The following MAST4 variants were observed in gnomAD, a reference collection of about 807,000 sequenced individuals.
MAST4 encodes microtubule associated serine/threonine kinase family member 4.
Under a neutral mutation model 162.7 loss-of-function variants are expected in MAST4, and 89 were observed. The ratio of observed to expected loss-of-function variants is 0.55; its 90% CI spans 0.46 to 0.65. MAST4 has a LOEUF of 0.65. Ranked by LOEUF, MAST4 falls within the 30% of genes least tolerant of loss-of-function variation. The pLI is 0.00. For synonymous variants in MAST4, 1,479 were observed against 1,361.1 expected, an observed-to-expected ratio of 1.09 and a Z score of -1.91; for missense variants, 3,153 against 3,374.0, an observed-to-expected ratio of 0.93 and a Z score of 1.62.
At chr5:66,683,107 C>G (rs894504276) in intron 1 of MAST4, among the ~76,000 whole-genome samples, 2 of 152,176 alleles carry the variant, frequency 1.3e-5, no homozygotes, top group Non-Finnish European at 2.9e-5. Context: ...GGTGTGCAGT[C>G]CCTTCTGATT....
At chr5:66,813,254 T>C (rs1439646440) in intron 3 of MAST4, among the ~76,000 whole-genome samples, 2 of 152,224 alleles carry the variant, frequency 1.3e-5, no homozygotes, top group Non-Finnish European at 2.9e-5. Flanking sequence ...TCACAAAATA[T>C]GTATCGCAAT....
In MAST4 at chr5:67,134,553, G is replaced by T. The variant is rs771990650; in HGVS notation, c.2257G>T (p.Glu753Ter). 1 of 1,613,640 alleles carries T rather than the reference G, an allele frequency of 6.2e-7. No homozygotes were observed. Among genetic ancestry groups the T allele is most frequent in the Non-Finnish European group, 8.5e-7 (1 of 1,179,676 alleles). The stretch of plus-strand genomic sequence containing the variant: ...TGGCACACCTGAATACATTGCACCA[G>T]AAGTGATTCTGAGGCAGGGTTATGG... Reference protein sequence around the residue: ...VCGTPEYIAPEVILRQGYGKP... With the variant: ...VCGTPEYIAP The change falls in exon 18 of 29, where the codon GAA becomes TAA. Residue 753 changes from glutamate to a stop codon, truncating the protein, a stop_gained. Transcript: ENST00000403625. LOFTEE classifies it high-confidence loss of function.
In MAST4 at chr5:66,616,265, G is replaced by A. The variant is rs536773222; in HGVS notation, c.363+19247G>A. Among the ~76,000 whole-genome samples, 49 of 152,294 alleles carry A rather than the reference G, an allele frequency of 3.2e-4. 1 individual carries two copies. The highest frequency in any genetic ancestry group is 9.1e-4 in the African/African-American group (38 of 41,542). On this transcript the variant is annotated intron_variant, in intron 1 of 28. Coordinates refer to ENST00000403625, the MANE Select transcript of MAST4 (RefSeq NM_001164664.2). The stretch of plus-strand genomic sequence containing the variant: ...TGCATGCATTTTTCACATTCAGTCC[G>A]TGTGACCACCCCCTACCTCCCAAGC...
chr5:66,912,712 C>T (rs1426515680), intron 4 of MAST4, among the ~76,000 whole-genome samples: 1 of 152,046 alleles, frequency 6.6e-6, no homozygotes, highest in Non-Finnish European at 1.5e-5. Flanking sequence ...GAATTCAGGC[C>T]ACTTATGTTT....
intron 4 of MAST4, among the ~76,000 whole-genome samples, chr5:66,974,336 A>G (rs918249614): frequency 7.9e-5 from 12 of 152,232 alleles, no homozygotes; most frequent in Admixed American, 1.3e-4. Flanking sequence ...TATAGAAATG[A>G]ATGAATGAAC....
intron 3 of MAST4, among the ~76,000 whole-genome samples, chr5:66,834,874 C>T (rs946758820): frequency 4.6e-5 from 7 of 152,178 alleles, no homozygotes; most frequent in Non-Finnish European, 7.3e-5. Flanking sequence ...TGCTGCAGGT[C>T]GTGCAAGTAG....
At chr5:67,132,087 TA>T (rs1201659331) in intron 16 of MAST4, 136 bp downstream of exon 16, 1 of 969,664 alleles carries the variant, frequency 1.0e-6, no homozygotes, top group East Asian at 2.6e-5. Context: ...TTTAACAGTA[TA>T]TATGGTAATT....
intron 2 of MAST4, among the ~76,000 whole-genome samples, chr5:66,768,868 A>G (rs993436353): frequency 1.3e-5 from 2 of 152,170 alleles, no homozygotes; most frequent in African/African-American, 4.8e-5. Flanking sequence ...TTTAAAAATT[A>G]TATCAGTAAT....
chr5:66,930,008 A>T (rs543551429), intron 4 of MAST4, among the ~76,000 whole-genome samples: 39 of 152,224 alleles, frequency 2.6e-4, no homozygotes, highest in Non-Finnish European at 4.6e-4. Flanking sequence ...TTTCCATAGG[A>T]ACCCCAATCA....
At chr5:66,853,459 G>C (rs1357667784) in intron 3 of MAST4, among the ~76,000 whole-genome samples, 2 of 152,210 alleles carry the variant, frequency 1.3e-5, no homozygotes, top group Non-Finnish European at 2.9e-5. Context: ...AAGTGAGAAA[G>C]AACCCTCCTG....
rs576082644 is a variant in MAST4, at chr5:66,633,455, T to C, written c.363+36437T>C. Among the ~76,000 whole-genome samples the C allele has an allele frequency of 3.9e-5, 6 of 152,318 alleles. No homozygotes were observed. In the East Asian group the frequency reaches 5.8e-4, roughly 15 times the overall value. ...AACCAGATTGGGAGGGTAAGAGTTA[T>C]GGAGACTGGTCTGCAGGTTATAGAG... On this transcript the variant is annotated intron_variant, in intron 1 of 28. Coordinates refer to ENST00000403625, the MANE Select transcript of MAST4 (RefSeq NM_001164664.2).
At chr5:66,909,718 G>T (rs720369) in intron 4 of MAST4, among the ~76,000 whole-genome samples, 4,987 of 152,250 alleles carry the variant, frequency 0.033, 151 homozygotes, top group African/African-American at 0.076. Flanking sequence ...GGTACTGATA[G>T]CGTTTGGCTG....
intron 2 of MAST4, among the ~76,000 whole-genome samples, chr5:66,775,596 C>G (rs1291554332): frequency 3.3e-5 from 5 of 152,164 alleles, no homozygotes; most frequent in Non-Finnish European, 5.9e-5. Context: ...TTTTGTGAAG[C>G]AATTGGCGGT....
intron 5 of MAST4, among the ~76,000 whole-genome samples, 169 bp from the exon 6 acceptor site, chr5:67,089,993 C>T (rs1304253243): frequency 1.3e-5 from 2 of 152,104 alleles, no homozygotes; most frequent in East Asian, 3.9e-4. Context: ...TCCCCATCTC[C>T]TCCCCACCGC....
At chr5:67,070,667 A>C (rs1007694021) in intron 5 of MAST4, among the ~76,000 whole-genome samples, 3 of 152,248 alleles carry the variant, frequency 2.0e-5, no homozygotes, top group African/African-American at 7.2e-5. Flanking sequence ...AACTAAGAAC[A>C]TACCAATGAT....
chr5:66,636,397 G>C (rs1031136499), intron 1 of MAST4, among the ~76,000 whole-genome samples: 1 of 152,166 alleles, frequency 6.6e-6, no homozygotes, highest in Non-Finnish European at 1.5e-5. Flanking sequence ...GAATTTCATA[G>C]ACATGTTTAT....
At chr5:66,887,244 A>G (rs531721037) in intron 3 of MAST4, among the ~76,000 whole-genome samples, 19 of 152,332 alleles carry the variant, frequency 1.2e-4, no homozygotes, top group Admixed American at 3.9e-4. Context: ...TCTGTAATCA[A>G]TGTTTTCAAG....
chr5:66,666,636 A>T (rs1747278016), intron 1 of MAST4, among the ~76,000 whole-genome samples: 2 of 152,322 alleles, frequency 1.3e-5, no homozygotes, highest in South Asian at 4.1e-4. Context: ...GCATGAAACC[A>T]CTTTGGTGTC....
chr5:67,068,924 C>T lies in MAST4; in HGVS notation c.763+14432C>T, dbSNP rs979752495. Among the ~76,000 whole-genome samples the T allele has an allele frequency of 4.6e-5, 7 of 152,006 alleles. No homozygotes were observed. The East Asian group carries it at 1.4e-3, about 29-fold the overall frequency. ...GGCACCCACCTGAGAAACACGTGGGCTGAGAGAGGAAAACTTCCTAACCTT... is the reference window on the plus strand; with the variant it reads ...GGCACCCACCTGAGAAACACGTGGGTTGAGAGAGGAAAACTTCCTAACCTT... On this transcript the variant is annotated intron_variant, in intron 5 of 28. Coordinates refer to ENST00000403625, the MANE Select transcript of MAST4 (RefSeq NM_001164664.2).
Sources: allele counts gnomAD v4.1 joint callset (sites outside exome capture counted in the v4.1 genomes callset), GRCh38; gene constraint gnomAD v4.1.1; transcripts MANE v1.5; gene names NCBI Gene and HGNC (gene_info 2026-07-23, HGNC 2026-07-21).